Variants in SDK2 observed in about 807,000 individuals in gnomAD.
The protein encoded by SDK2 is protein sidekick-2.
SDK2 carries 105 observed loss-of-function variants against 253.9 expected under a neutral mutation model. That is an observed-to-expected ratio of 0.41 (90% CI 0.35 to 0.49). SDK2 has a LOEUF of 0.49. Among genes scored for constraint, SDK2 ranks in the 20% least tolerant of loss-of-function variants. The probability of loss-of-function intolerance (pLI) is 0.06; values close to 1 mark genes in which losing one functional copy is unlikely to be tolerated. For synonymous variants in SDK2, 1,249 were observed against 1,234.9 expected (o/e 1.01, Z -0.24); for missense variants, 2,608 against 3,003.0 (o/e 0.87, Z 3.07).
At position 73,395,156 on chromosome 17, in the gene SDK2, T is replaced by C; in HGVS notation, c.3591A>G (p.Ser1197=). 1.9e-6 allele frequency: 3 copies of C among 1,584,578 alleles called. No individual in the cohort carries two copies. Among genetic ancestry groups the C allele is most frequent in the South Asian group, 1.1e-5 (1 of 87,284 alleles). Residue 1197 remains serine, a splice_region_variant and synonymous_variant, in exon 25 of 45, where the codon TCA becomes TCG. Coordinates refer to ENST00000392650, the MANE Select transcript of SDK2 (RefSeq NM_001144952.2). The surrounding 1 kb of genome is among the most constrained non-coding windows in gnomAD (Gnocchi z 4.3). ...SQTVVGRTRE[S]VPSSGPTNVS... ...TGGCTGGGTGTGAGGGGTTGGTACC[T>C]GACTCCCGGGTCCTGCCCACCACCG...
intron 1 of SDK2, among the ~76,000 whole-genome samples, chr17:73,610,559 G>T (rs537993096): frequency 1.3e-5 from 2 of 152,300 alleles, no homozygotes; most frequent in South Asian, 4.1e-4. Context: ...CCACAAGACG[G>T]CCAGGAGAGC....
At chr17:73,451,336 G>A (rs1303337925) in intron 4 of SDK2, among the ~76,000 whole-genome samples, 1 of 152,106 alleles carries the variant, frequency 6.6e-6, no homozygotes, top group East Asian at 1.9e-4. Context: ...GTAAAACCCT[G>A]TATCTACTAA....
chr17:73,483,569 A>G (rs2063743752), intron 2 of SDK2, among the ~76,000 whole-genome samples: 1 of 141,754 alleles, frequency 7.1e-6, no homozygotes. Context: ...ATATGTATAT[A>G]TATGTATGTG....
intron 5 of SDK2, among the ~76,000 whole-genome samples, chr17:73,444,056 G>A (rs1038935948): frequency 6.6e-6 from 1 of 152,170 alleles, no homozygotes; most frequent in African/African-American, 2.4e-5. Flanking sequence ...AGCTGGTCTG[G>A]GGTGACTGCA....
chr17:73,339,960 T>TA (rs2062420741), intron 44 of SDK2, among the ~76,000 whole-genome samples: 1 of 152,112 alleles, frequency 6.6e-6, no homozygotes, highest in South Asian at 2.1e-4. Context: ...AACCTCCACC[T>TA]ACCCGGTTCA....
chr17:73,444,707 C>T (rs1393172672), intron 5 of SDK2, among the ~76,000 whole-genome samples: 6 of 152,226 alleles, frequency 3.9e-5, no homozygotes, highest in Non-Finnish European at 8.8e-5. Flanking sequence ...CCCAACTTTG[C>T]CATAGGCACC....
Position 73,447,299 on chromosome 17 carries a change from C to T in SDK2, c.613+316G>A, listed in dbSNP as rs1160565292. 6.6e-6 allele frequency among the ~76,000 whole-genome samples: 1 copy of T among 152,010 alleles called. No homozygotes were observed. The highest frequency in any genetic ancestry group is 1.5e-5 in the Non-Finnish European group (1 of 67,980). Reference sequence around the variant, plus strand: ...CGATAGTGGCTGCAACTCACACATGCACACGCTCTTCCTCTGCCCCACCCC... The same window carrying T: ...CGATAGTGGCTGCAACTCACACATGTACACGCTCTTCCTCTGCCCCACCCC... On this transcript the variant is annotated intron_variant, in intron 5 of 44. Coordinates refer to ENST00000392650, the MANE Select transcript of SDK2 (RefSeq NM_001144952.2). This position sits in a 1 kb window ranked among gnomAD's most constrained non-coding sequence, Gnocchi z 4.0.
chr17:73,542,388 G>C (rs927412396), intron 1 of SDK2, among the ~76,000 whole-genome samples: 2 of 152,240 alleles, frequency 1.3e-5, no homozygotes, highest in Non-Finnish European at 2.9e-5. Flanking sequence ...TGCCTGGAGC[G>C]ACCCTGGCTT....
intron 26 of SDK2, 47 bp from the exon 27 acceptor site, chr17:73,393,796 C>A (rs776024759): frequency 1.9e-5 from 27 of 1,406,620 alleles, no homozygotes; most frequent in South Asian, 3.3e-5. Flanking sequence ...TGCATCTCAC[C>A]CATCTACACT....
intron 1 of SDK2, among the ~76,000 whole-genome samples, chr17:73,634,116 C>T (rs141054087): frequency 1.3e-3 from 202 of 152,320 alleles, no homozygotes; most frequent in African/African-American, 4.7e-3. Flanking sequence ...CTATGGACAT[C>T]AAGAGGGGGC....
At chr17:73,502,387 A>G (rs1426096721) in intron 2 of SDK2, among the ~76,000 whole-genome samples, 1 of 152,080 alleles carries the variant, frequency 6.6e-6, no homozygotes, top group African/African-American at 2.4e-5. Flanking sequence ...ACAGTCTCCT[A>G]TGGAATGCAC....
intron 28 of SDK2, among the ~76,000 whole-genome samples, chr17:73,390,725 G>A (rs548997757): frequency 1.3e-4 from 20 of 152,320 alleles, no homozygotes; most frequent in African/African-American, 4.6e-4. Context: ...TGTGACCCCC[G>A]TAACAGCCCC....
intron 18 of SDK2, 144 bp downstream of exon 18, chr17:73,414,500 C>T (rs543446628): frequency 1.0e-4 from 68 of 653,490 alleles, no homozygotes; most frequent in Non-Finnish European, 1.7e-4. Flanking sequence ...GAACTCTTTT[C>T]CTCTAATGTG....
chr17:73,430,041 C>G (rs945775717), intron 12 of SDK2, among the ~76,000 whole-genome samples: 1 of 152,214 alleles, frequency 6.6e-6, no homozygotes, highest in East Asian at 1.9e-4. Flanking sequence ...CAGGGGTCAT[C>G]TCCTGCCCCA....
rs142515554 is a variant in SDK2 at position 73,383,284 on chromosome 17, G to A, written c.4705+592C>T. On this transcript the variant is annotated intron_variant, in intron 33 of 44. Coordinates refer to ENST00000392650, the MANE Select transcript of SDK2 (RefSeq NM_001144952.2). This position sits in a 1 kb window ranked among gnomAD's most constrained non-coding sequence, Gnocchi z 4.3. ...AGTCCAAACACGTCTTTCCCTTGCC[G>A]TGGTCTTCTGGGCATCGGCTCTCCC... Among the ~76,000 whole-genome samples the A allele has an allele frequency of 2.1e-3, 313 of 152,318 alleles. 1 individual carries two copies. Among genetic ancestry groups the A allele is most frequent in the African/African-American group, 7.3e-3 (304 of 41,566 alleles).
Position 73,483,639 on chromosome 17 carries a change from A to ATGTGTGTGTGTGTG in SDK2, c.225-11422_225-11421insCACACACACACACA, listed in dbSNP as rs1188169326. 6.7e-3 allele frequency among the ~76,000 whole-genome samples: 322 copies of ATGTGTGTGTGTGTG among 48,048 alleles called. 52 individuals carry two copies. The highest frequency in any genetic ancestry group is 0.034 in the East Asian group (53 of 1,578). 31.5% of individuals were successfully genotyped at this position (48,048 alleles called of 152,430 possible). A position where few individuals can be genotyped will look rare whatever the true frequency, so the allele number is the denominator to read the frequency against. The stretch of plus-strand genomic sequence containing the variant: ...TGTATATATATGTATATGTATATAT[A>ATGTGTGTGTGTGTG]TATGTGTGTGTGTGTGTGTGTGTAT... On this transcript the variant is annotated intron_variant, in intron 2 of 44. Coordinates refer to ENST00000392650, the MANE Select transcript of SDK2 (RefSeq NM_001144952.2).
Position 73,433,676 on chromosome 17 carries a change from G to A in SDK2, c.1312+56C>T. On this transcript the variant is annotated intron_variant, in intron 10 of 44. Coordinates refer to ENST00000392650, the MANE Select transcript of SDK2 (RefSeq NM_001144952.2). Reference sequence around the variant, plus strand: ...CTGGCTGGCTCCAGAGCCTAGTTCTGAAGACTCTTCTAGGCTATCACCCAG... The same window carrying A: ...CTGGCTGGCTCCAGAGCCTAGTTCTAAAGACTCTTCTAGGCTATCACCCAG... 4 of 1,358,432 alleles carry A rather than the reference G, an allele frequency of 2.9e-6. No individual in the cohort carries two copies. In the South Asian group the frequency reaches 5.0e-5, roughly 17 times the overall value. 84.1% of individuals were successfully genotyped at this position (1,358,432 alleles called of 1,614,324 possible).
In SDK2 at chr17:73,368,396, C is replaced by T; in HGVS notation, c.5167+11G>A. Reference sequence around the variant, plus strand: ...ACCTACCCCTCCCCTCCTCAGGGCCCCCTCTCCCACCTGCTTGCTGGGTCT... The same window carrying T: ...ACCTACCCCTCCCCTCCTCAGGGCCTCCTCTCCCACCTGCTTGCTGGGTCT... On this transcript the variant is annotated intron_variant, in intron 37 of 44. Transcript: ENST00000392650. 1.3e-6 allele frequency: 2 copies of T among 1,506,814 alleles called. No homozygotes were observed. The highest frequency in any genetic ancestry group is 1.3e-5 in the South Asian group (1 of 77,358). 93.3% of individuals were successfully genotyped at this position (1,506,814 alleles called of 1,614,324 possible).
chr17:73,407,751 A>G (rs1021652), intron 18 of SDK2, among the ~76,000 whole-genome samples: 144,822 of 152,276 alleles, frequency 0.95, 69,016 homozygotes, highest in Non-Finnish European at 0.99. Context: ...CCAATTCATT[A>G]TACGAAAAAT....
Sources: allele counts gnomAD v4.1 joint callset (sites outside exome capture counted in the v4.1 genomes callset), GRCh38; gene constraint gnomAD v4.1.1; non-coding constraint Gnocchi (gnomAD v3.1); transcripts MANE v1.5; gene names NCBI Gene and HGNC (gene_info 2026-07-23, HGNC 2026-07-21).